Variants in PROCR observed in about 807,000 individuals in gnomAD.
The protein encoded by PROCR is endothelial protein C receptor.
Under a neutral mutation model 24.2 loss-of-function variants are expected in PROCR, and 22 were observed. The observed-to-expected ratio is 0.91, with a 90% CI of 0.65 to 1.30. The LOEUF (loss-of-function observed/expected upper bound fraction) is 1.30. PROCR is among the 50% of genes most tolerant of loss of function. The pLI is 0.00. For synonymous variants in PROCR, 137 were observed against 139.2 expected, an observed-to-expected ratio of 0.98 and a Z score of 0.11; for missense variants, 288 against 307.7, an observed-to-expected ratio of 0.94 and a Z score of 0.48.
chr20:35,199,541 G>A (rs1044837933), intron 1 of PROCR, among the ~76,000 whole-genome samples: 1 of 152,122 alleles, frequency 6.6e-6, no homozygotes, highest in Non-Finnish European at 1.5e-5. Flanking sequence ...ACAGGGTCGG[G>A]AGTTCAAGAG....
At chr20:35,200,923 C>A (rs1320820176) in intron 1 of PROCR, among the ~76,000 whole-genome samples, 1 of 152,218 alleles carries the variant, frequency 6.6e-6, no homozygotes, top group Non-Finnish European at 1.5e-5. Context: ...GCTAAGATTA[C>A]AGGTGTGAGC....
chr20:35,178,507 G>GTTTTGTTTTGTTTTTTTTT (rs1272557859), downstream of PROCR, among the ~76,000 whole-genome samples: 3 of 34,376 alleles, frequency 8.7e-5, no homozygotes, highest in African/African-American at 5.5e-4. Flanking sequence ...TCAAGTCTCA[G>GTTTTGTTTTGTTTTTTTTT]TTTTTTTTTT....
intron 1 of PROCR, chr20:35,202,547 T>G (rs2060323008): frequency 1.3e-5 from 2 of 152,144 alleles, no homozygotes; most frequent in Non-Finnish European, 2.9e-5. Flanking sequence ...TTTTATTTTA[T>G]TTTTACTTCT....
At chr20:35,175,750 A>G (rs2086008780) in intron 2 of PROCR, among the ~76,000 whole-genome samples, 2 of 151,050 alleles carry the variant, frequency 1.3e-5, no homozygotes, top group Admixed American at 6.6e-5. Context: ...ACGCCCGGCT[A>G]ATTTTTTGTA....
chr20:35,176,737 G>A lies in PROCR; in HGVS notation c.641G>A (p.Gly214Asp). ...CGCTCCTACACTTCGCTGGTCCTGG[G>A]CGTCCTGGTGGGCAGTTTCATCATT... ...TSRSYTSLVL[G>D]VLVGSFIIAG... Residue 214 changes from glycine to aspartate, a missense_variant, in exon 4 of 4, where the codon GGC becomes GAC. Gly to Asp is a moderately conservative substitution (Grantham distance 94, BLOSUM62 -1). Transcript: ENST00000216968. 2 of 1,613,828 alleles carry A rather than the reference G, an allele frequency of 1.2e-6. No homozygotes were observed. Among genetic ancestry groups the A allele is most frequent in the South Asian group, 2.2e-5 (2 of 90,980 alleles).
intron 1 of PROCR, among the ~76,000 whole-genome samples, chr20:35,210,468 A>T (rs2060358125): frequency 6.6e-6 from 1 of 150,746 alleles, no homozygotes; most frequent in South Asian, 2.1e-4. Flanking sequence ...GATCACTTGA[A>T]CTCAGGAGAT....
At chr20:35,199,621 C>T (rs868307682) in intron 1 of PROCR, among the ~76,000 whole-genome samples, 10 of 151,896 alleles carry the variant, frequency 6.6e-5, no homozygotes, top group African/African-American at 2.2e-4. Flanking sequence ...TGGTGGTGGG[C>T]GCCTGTAGTC....
downstream of PROCR, among the ~76,000 whole-genome samples, chr20:35,180,128 C>G (rs2086064196): frequency 6.6e-6 from 1 of 152,094 alleles, no homozygotes; most frequent in Non-Finnish European, 1.5e-5. Context: ...CGCTTGTAAT[C>G]CCAGCTACTA....
At chr20:35,178,726 G>C, downstream of PROCR, among the ~76,000 whole-genome samples, 1 of 140,774 alleles carries the variant, frequency 7.1e-6, no homozygotes, top group Non-Finnish European at 1.5e-5. Flanking sequence ...CATTTTAGCC[G>C]GGATGGTCTC....
chr20:35,195,838 GAA>G (rs1167493700), intron 1 of PROCR, among the ~76,000 whole-genome samples: 2 of 138,396 alleles, frequency 1.4e-5, no homozygotes, highest in African/African-American at 5.5e-5. Flanking sequence ...AAAAAAAAAA[GAA>G]AAAGAAAAGA....
intron 1 of PROCR, among the ~76,000 whole-genome samples, chr20:35,207,820 A>G (rs6142329): frequency 0.41 from 62,614 of 151,838 alleles, 13,641 homozygotes; most frequent in East Asian, 0.64. Context: ...GTGAGCCACC[A>G]CGCCCGGTCA....
At chr20:35,203,118 A>G (rs1295275857) in intron 1 of PROCR, 3 of 152,202 alleles carry the variant, frequency 2.0e-5, no homozygotes, top group African/African-American at 4.8e-5. Context: ...CTCCACTAAA[A>G]ATACAAAACT....
chr20:35,204,867 T>G (rs2060332144), intron 1 of PROCR, among the ~76,000 whole-genome samples: 1 of 152,062 alleles, frequency 6.6e-6, no homozygotes, highest in Non-Finnish European at 1.5e-5. Context: ...ACCCCAAAAC[T>G]TCAACAAACT....
rs2086014512 is a variant in PROCR, at chr20:35,176,181, C to A, written c.336C>A (p.Ile112=). 6 of 1,614,082 alleles carry A rather than the reference C, an allele frequency of 3.7e-6. No individual in the cohort carries two copies. The highest frequency in any genetic ancestry group is 2.7e-5 in the African/African-American group (2 of 75,056). ...QERTLAFPLT[I]RCFLGCELPP... ...GTCTATCCACAGTTCCTCTGACCAT[C>A]CGCTGCTTCCTGGGCTGTGAGCTGC... Residue 112 remains isoleucine (I), a synonymous_variant, in exon 3 of 4, where the codon ATC becomes ATA. Coordinates refer to ENST00000216968, the MANE Select transcript of PROCR (RefSeq NM_006404.5).
chr20:35,190,092 C>T (rs963459321), intron 1 of PROCR, among the ~76,000 whole-genome samples: 17 of 152,096 alleles, frequency 1.1e-4, no homozygotes, highest in African/African-American at 3.9e-4. Flanking sequence ...TGTTATTATT[C>T]TCATTTCCTG....
At chr20:35,199,489 G>A (rs780593836) in intron 1 of PROCR, among the ~76,000 whole-genome samples, 13 of 152,098 alleles carry the variant, frequency 8.5e-5, no homozygotes, top group Non-Finnish European at 1.6e-4. Flanking sequence ...AGTGGCTCAC[G>A]CCTGTAATCC....
downstream of PROCR, among the ~76,000 whole-genome samples, chr20:35,179,998 C>A (rs980038829): frequency 6.6e-6 from 1 of 152,182 alleles, no homozygotes; most frequent in African/African-American, 2.4e-5. Flanking sequence ...GTAATCGCAG[C>A]ACTTTGGGAG....
Position 35,177,032 on chromosome 20 carries a change from T to C in PROCR, c.*219T>C. ...TTTGCTAAGAACCTAAGAACGTGTATGCTTTGCTGAATTAGTCTGATAAGT... is the reference window on the plus strand; with the variant it reads ...TTTGCTAAGAACCTAAGAACGTGTACGCTTTGCTGAATTAGTCTGATAAGT... On this transcript the variant is annotated 3_prime_UTR_variant, in exon 4 of 4. Coordinates refer to ENST00000216968, the MANE Select transcript of PROCR (RefSeq NM_006404.5). The C allele has an allele frequency of 1.5e-6, 2 of 1,369,042 alleles. No individual in the cohort carries two copies. Among genetic ancestry groups the C allele is most frequent in the South Asian group, 1.5e-5 (1 of 66,968 alleles). The allele number at this position is 1,369,042 out of a possible 1,614,324, so 84.8% of individuals were successfully genotyped here. A position where few individuals can be genotyped will look rare whatever the true frequency, so the allele number is the denominator to read the frequency against.
intron 1 of PROCR, among the ~76,000 whole-genome samples, chr20:35,173,813 C>T (rs2085976810): frequency 6.6e-6 from 1 of 152,150 alleles, no homozygotes; most frequent in Non-Finnish European, 1.5e-5. Context: ...ATTCATGTGT[C>T]AGCCAAAGGC....
Sources: gnomAD v4.1 joint callset for allele counts (sites outside exome capture counted in the v4.1 genomes callset) on GRCh38, gnomAD v4.1.1 for gene constraint, MANE v1.5 for transcripts, NCBI Gene and HGNC (gene_info 2026-07-23, HGNC 2026-07-21) for gene names.